The following ZGRF1 variants were observed in gnomAD, a reference collection of about 807,000 sequenced individuals.
ZGRF1 encodes 5'-3' DNA helicase ZGRF1.
Under a neutral mutation model 203.5 loss-of-function variants are expected in ZGRF1, and 196 were observed. That is an observed-to-expected ratio of 0.96 (90% CI 0.86 to 1.08). The LOEUF (loss-of-function observed/expected upper bound fraction) is 1.08, where lower values mean the gene tolerates loss of function less well. Among genes scored for constraint, ZGRF1 ranks in the 50% least tolerant of loss-of-function variants. The pLI, the probability that ZGRF1 is intolerant of heterozygous loss-of-function variation, is 0.00. For missense variants in ZGRF1, 2,326 were observed against 2,416.3 expected, an observed-to-expected ratio of 0.96 and a Z score of 0.78; for synonymous variants, 809 against 841.3, an observed-to-expected ratio of 0.96 and a Z score of 0.66.
chr4:112,578,792 C>T (rs1259372755), intron 16 of ZGRF1, among the ~76,000 whole-genome samples: 1 of 122,000 alleles, frequency 8.2e-6, no homozygotes, highest in Non-Finnish European at 1.8e-5. Flanking sequence ...GCCTACCAAC[C>T]AAAAAAAGTC....
intron 7 of ZGRF1, among the ~76,000 whole-genome samples, chr4:112,609,708 G>A (rs898627077): frequency 6.6e-6 from 1 of 151,896 alleles, no homozygotes; most frequent in Non-Finnish European, 1.5e-5. Context: ...TTAGGCAGGA[G>A]AATCACTTGA....
chr4:112,581,606 T>C (rs978362274), intron 16 of ZGRF1, 57 bp downstream of exon 16: 5 of 1,252,888 alleles, frequency 4.0e-6, no homozygotes, highest in African/African-American at 1.6e-5. Flanking sequence ...TATACAGCTG[T>C]ATGTAATGGA....
chr4:112,624,937 T>C (rs985482457), intron 3 of ZGRF1, among the ~76,000 whole-genome samples: 3 of 152,122 alleles, frequency 2.0e-5, no homozygotes, highest in Non-Finnish European at 4.4e-5. Flanking sequence ...GCCAAAAAGT[T>C]GAAGTAACCC....
intron 19 of ZGRF1, among the ~76,000 whole-genome samples, chr4:112,558,552 G>A (rs1367591714): frequency 1.3e-5 from 2 of 152,094 alleles, no homozygotes; most frequent in Non-Finnish European, 2.9e-5. Flanking sequence ...ATTTTTAGTA[G>A]AGCCACCATA....
Position 112,587,672 on chromosome 4 carries a change from C to T in ZGRF1, c.3385G>A (p.Glu1129Lys). 6.2e-7 allele frequency: 1 copy of T among 1,613,158 alleles called. No individual in the cohort carries two copies. Among genetic ancestry groups the T allele is most frequent in the African/African-American group, 1.3e-5 (1 of 75,016 alleles). ...AGTGAAACATCCCCTGGATTCACTT[C>T]CCTAGATTCTTCAGAGAAAAAGGTT... is the stretch of plus-strand genomic sequence containing the variant. ...NETFFSEESR[E>K]VNPGDVSLNN... The change falls in exon 12 of 28, where the codon GAA becomes AAA. Residue 1129 changes from glutamate to lysine, a missense_variant. Glu to Lys is a moderately conservative substitution (Grantham distance 56, BLOSUM62 1). Coordinates refer to ENST00000505019, the MANE Select transcript of ZGRF1 (RefSeq NM_018392.5).
chr4:112,613,490 A>T (rs970260361), intron 6 of ZGRF1, among the ~76,000 whole-genome samples: 2 of 152,226 alleles, frequency 1.3e-5, no homozygotes, highest in African/African-American at 4.8e-5. Flanking sequence ...GACACAAAAG[A>T]CAAACAAATA....
chr4:112,558,033 G>A, intron 20 of ZGRF1, 117 bp downstream of exon 20: 3 of 789,948 alleles, frequency 3.8e-6, no homozygotes, highest in Non-Finnish European at 6.2e-6. Flanking sequence ...AGAGACAAAG[G>A]TCTTGCATTC....
intron 5 of ZGRF1, 144 bp from the exon 6 acceptor site, chr4:112,619,834 A>G (rs2047006348): frequency 1.1e-6 from 1 of 917,366 alleles, no homozygotes; most frequent in Non-Finnish European, 1.6e-6. Context: ...TTGTCAAAGT[A>G]CATTCATTTG....
At chr4:112,597,797 T>C (rs1048790625) in intron 10 of ZGRF1, among the ~76,000 whole-genome samples, 2 of 150,588 alleles carry the variant, frequency 1.3e-5, no homozygotes, top group Admixed American at 1.3e-4. Flanking sequence ...GGCAGGAGAA[T>C]CGCTTAAGCC....
chr4:112,589,386 A>G lies in ZGRF1; in HGVS notation c.3127+338T>C, dbSNP rs74487384. On this transcript the variant is annotated intron_variant, in intron 11 of 27. Transcript: ENST00000505019. ...CAATGGTGTTGATGAGACACTTGCA[A>G]TGAGTCATTCCTCTGGAACAGGAAA... Among the ~76,000 whole-genome samples, 99 of 152,304 alleles carry G rather than the reference A, an allele frequency of 6.5e-4. No individual in the cohort carries two copies. The East Asian group carries it at 0.018, about 27-fold the overall frequency.
intron 16 of ZGRF1, among the ~76,000 whole-genome samples, chr4:112,572,890 A>C (rs1744440706): frequency 6.6e-6 from 1 of 152,146 alleles, no homozygotes; most frequent in Non-Finnish European, 1.5e-5. Flanking sequence ...ATAATCAAAA[A>C]ATCAAAATTA....
At chr4:112,603,348 T>C (rs528503137) in intron 10 of ZGRF1, among the ~76,000 whole-genome samples, 176 bp downstream of exon 10, 2 of 152,360 alleles carry the variant, frequency 1.3e-5, no homozygotes, top group Admixed American at 1.3e-4. Flanking sequence ...AAAAAAGTAA[T>C]ACATCTTTCA....
In ZGRF1 at chr4:112,587,428, T is replaced by TA; in HGVS notation, c.3628dup (p.Tyr1210LeufsTer8). The stretch of plus-strand genomic sequence containing the variant: ...ACTGCTAAAATCCTGCCGCTGTTGA[T>TA]AGAGCATGCCTTTTATCATTTGCAA... On this transcript the variant is annotated frameshift_variant, in exon 12 of 28. Coordinates refer to ENST00000505019, the MANE Select transcript of ZGRF1 (RefSeq NM_018392.5). LOFTEE classifies it high-confidence loss of function. The TA allele has an allele frequency of 6.2e-7, 1 of 1,613,982 alleles. No individual in the cohort carries two copies. Among genetic ancestry groups the TA allele is most frequent in the Non-Finnish European group, 8.5e-7 (1 of 1,179,856 alleles).
At chr4:112,542,758 C>T (rs2148812752) in intron 24 of ZGRF1, among the ~76,000 whole-genome samples, 1 of 151,484 alleles carries the variant, frequency 6.6e-6, no homozygotes, top group African/African-American at 2.4e-5. Context: ...TTTTTCTTTT[C>T]TTTCCTTTTC....
Position 112,585,725 on chromosome 4 carries a change from T to C in ZGRF1, c.3917A>G (p.Glu1306Gly). 1 of 1,474,756 alleles carries C rather than the reference T, an allele frequency of 6.8e-7. No homozygotes were observed. The highest frequency in any genetic ancestry group is 9.0e-7 in the Non-Finnish European group (1 of 1,116,890). The allele number at this position is 1,474,756 out of a possible 1,614,324, so 91.4% of individuals were successfully genotyped here. The change falls in exon 14 of 28, where the codon GAA (glutamate) becomes GGA (glycine). Residue 1306 changes from glutamate to glycine, a missense_variant and splice_region_variant. Glu to Gly is a moderately conservative substitution (Grantham distance 98, BLOSUM62 -2). Transcript: ENST00000505019. ...CCCAAACAGCAATATATTTAGATGT[T>C]CTACAAAAAAAAAAAAAAGAGAGCA... ...YKQTFTSCLI[E>G]HLNILLFGLA...
rs945213769 is a variant in ZGRF1, at chr4:112,599,340, T to C, written c.2976+4184A>G. On this transcript the variant is annotated intron_variant, in intron 10 of 27. Transcript: ENST00000505019. ...GAATTTCATCCAAATTCCCAGCTTGTATGTGTGAAAACCATTAAGCTAGTT... is the reference window on the plus strand; with the variant it reads ...GAATTTCATCCAAATTCCCAGCTTGCATGTGTGAAAACCATTAAGCTAGTT... Among the ~76,000 whole-genome samples the C allele has an allele frequency of 3.9e-5, 6 of 152,246 alleles. No individual in the cohort carries two copies. In the East Asian group the frequency reaches 1.2e-3, roughly 29 times the overall value.
At chr4:112,606,389 C>T (rs1560846227) in intron 8 of ZGRF1, among the ~76,000 whole-genome samples, 2 of 152,172 alleles carry the variant, frequency 1.3e-5, no homozygotes, top group African/African-American at 2.4e-5. Flanking sequence ...TAACTGGGTG[C>T]AGTGGCTTAC....
Position 112,618,449 on chromosome 4 carries a change from AGT to A in ZGRF1, c.1591_1592del (p.Thr531PhefsTer2). On this transcript the variant is annotated frameshift_variant, in exon 6 of 28. Transcript: ENST00000505019. LOFTEE classifies it high-confidence loss of function. ...TGGTCTCAAAATTGTTCAGATTAAAAGTTACCTCCAAAAATGGTTGTGTTACA... is the reference window on the plus strand; with the variant it reads ...TGGTCTCAAAATTGTTCAGATTAAAATACCTCCAAAAATGGTTGTGTTACA... ...SNVTQPFLEV[T>X]FNLNNFETSD... 6.2e-7 allele frequency: 1 copy of A among 1,613,762 alleles called. No homozygotes were observed. The highest frequency in any genetic ancestry group is 8.5e-7 in the Non-Finnish European group (1 of 1,179,880).
At chr4:112,541,341 A>C (rs1280636282) in intron 24 of ZGRF1, 73 bp from the exon 25 acceptor site, 1 of 775,020 alleles carries the variant, frequency 1.3e-6, no homozygotes, top group Non-Finnish European at 2.0e-6. Context: ...TATATTTTTA[A>C]AATTAAAAAT....
Sources: gnomAD v4.1 joint callset for allele counts (sites outside exome capture counted in the v4.1 genomes callset) on GRCh38, gnomAD v4.1.1 for gene constraint, MANE v1.5 for transcripts, NCBI Gene and HGNC (gene_info 2026-07-23, HGNC 2026-07-21) for gene names.